MCPH1: variants seen among roughly 807,000 people sequenced by gnomAD.
The protein encoded by MCPH1 is microcephalin 1, also known as microcephalin.
A neutral mutation model predicts 84.5 loss-of-function variants in MCPH1; 104 were observed. The ratio of observed to expected loss-of-function variants is 1.23; its 90% confidence interval spans 1.05 to 1.45. MCPH1 has a LOEUF of 1.45. Among genes scored for constraint, MCPH1 ranks in the 40% most tolerant of loss-of-function variants. The probability of loss-of-function intolerance (pLI) is 0.00; values close to 1 mark genes in which losing one functional copy is unlikely to be tolerated. For missense variants in MCPH1, 1,498 were observed against 1,005.7 expected, an observed-to-expected ratio of 1.49 and a Z score of -6.62; for synonymous variants, 514 against 366.8, an observed-to-expected ratio of 1.40 and a Z score of -4.58.
rs1563307643 is a variant in MCPH1 at position 6,505,513 on chromosome 8, AATATATATTCTTT to A, written c.2214+5591_2214+5603del. 7.0e-4 allele frequency among the ~76,000 whole-genome samples: 2 copies of A among 2,844 alleles called. 1 individual carries two copies. The highest frequency in any genetic ancestry group is 1.4e-3 in the Non-Finnish European group (2 of 1,398). 1.9% of individuals were successfully genotyped at this position (2,844 alleles called of 152,430 possible). A position where few individuals can be genotyped will look rare whatever the true frequency, so the allele number is the denominator to read the frequency against. On this transcript the variant is annotated intron_variant, in intron 12 of 13. Transcript: ENST00000344683. Reference sequence around the variant, plus strand: ...ATATTCTTTATATATGTATATATAGAATATATATTCTTTATATATGTATATATAGAATATATAT... The same window carrying A: ...ATATTCTTTATATATGTATATATAGAATATATGTATATATAGAATATATAT...
chr8:6,616,733 G>C (rs1234658552), intron 12 of MCPH1: 1 of 152,246 alleles, frequency 6.6e-6, no homozygotes, highest in East Asian at 1.9e-4. Context: ...CATTAGCAGA[G>C]GAAAGCTGGA....
rs1554480975 is a variant in MCPH1 at position 6,617,900 on chromosome 8, A to ATCTATCTATCT, written c.2215-3554_2215-3553insTCTATCTATCT. ...CATCCATCTATCTATCTATCTATCT[A>ATCTATCTATCT]ATCTATCTATCTATCTATCTATCTA... On this transcript the variant is annotated intron_variant, in intron 12 of 13. Transcript: ENST00000344683. Among the ~76,000 whole-genome samples, 60 of 143,130 alleles carry ATCTATCTATCT rather than the reference A, an allele frequency of 4.2e-4. 1 individual carries two copies. The East Asian group carries it at 4.8e-3, about 11-fold the overall frequency. The allele number at this position is 143,130 out of a possible 152,430, so 93.9% of individuals were successfully genotyped here.
At chr8:6,502,885 A>G (rs375469076) in intron 12 of MCPH1, 28 of 550,240 alleles carry the variant, frequency 5.1e-5, no homozygotes, top group Middle Eastern at 4.8e-4. Context: ...TCTAATCACA[A>G]TTATGGATGT....
In MCPH1 at chr8:6,456,016, A is replaced by G. The variant is rs1477796181; in HGVS notation, c.1935+764A>G. Among the ~76,000 whole-genome samples, 3 of 152,250 alleles carry G rather than the reference A, an allele frequency of 2.0e-5. No homozygotes were observed. The East Asian group carries it at 5.8e-4, about 29-fold the overall frequency. The stretch of plus-strand genomic sequence containing the variant: ...TTGAACAGATGGGCGGCTGCATTTG[A>G]CCTGCGGAAGAGAAACCTGACTCCT... On this transcript the variant is annotated intron_variant, in intron 9 of 13. Transcript: ENST00000344683.
chr8:6,565,726 C>G (rs1009925961), intron 12 of MCPH1, among the ~76,000 whole-genome samples: 1 of 152,124 alleles, frequency 6.6e-6, no homozygotes, highest in Non-Finnish European at 1.5e-5. Flanking sequence ...GGTGTCTGAC[C>G]TAAAGAAGCT....
intron 12 of MCPH1, among the ~76,000 whole-genome samples, chr8:6,510,865 C>T (rs1278488171): frequency 6.6e-6 from 1 of 152,184 alleles, no homozygotes; most frequent in African/African-American, 2.4e-5. Context: ...ATGAACTGGA[C>T]ATGTGAGTCT....
intron 2 of MCPH1, among the ~76,000 whole-genome samples, chr8:6,414,073 G>T (rs1210990607): frequency 1.3e-5 from 2 of 151,992 alleles, no homozygotes; most frequent in Non-Finnish European, 2.9e-5. Flanking sequence ...TTAATTAGCT[G>T]AATTTTTCCA....
At chr8:6,487,750 G>C (rs919147395) in intron 11 of MCPH1, among the ~76,000 whole-genome samples, 3 of 152,176 alleles carry the variant, frequency 2.0e-5, no homozygotes, top group African/African-American at 7.2e-5. Flanking sequence ...TGATTTCAAA[G>C]TCCTTTTTAT....
intron 12 of MCPH1, among the ~76,000 whole-genome samples, chr8:6,593,140 A>G (rs1828647821): frequency 6.8e-6 from 1 of 147,770 alleles, no homozygotes; most frequent in East Asian, 2.0e-4. Context: ...CTGCAGTGCA[A>G]TGGCACAATC....
intron 12 of MCPH1, among the ~76,000 whole-genome samples, chr8:6,551,539 G>A (rs1166851112): frequency 6.6e-6 from 1 of 152,122 alleles, no homozygotes; most frequent in South Asian, 2.1e-4. Flanking sequence ...TTGAGGGGCT[G>A]GTGTTCTGAT....
chr8:6,608,195 A>T (rs1191888406), intron 12 of MCPH1, among the ~76,000 whole-genome samples: 1 of 152,194 alleles, frequency 6.6e-6, no homozygotes, highest in Non-Finnish European at 1.5e-5. Flanking sequence ...CCGGACCCTG[A>T]TGAGCTGAGC....
At chr8:6,587,720 C>T (rs1828109574) in intron 12 of MCPH1, among the ~76,000 whole-genome samples, 1 of 152,194 alleles carries the variant, frequency 6.6e-6, no homozygotes, top group Non-Finnish European at 1.5e-5. Context: ...TGCAGTATTA[C>T]TTGCAAGGGA....
intron 12 of MCPH1, among the ~76,000 whole-genome samples, chr8:6,583,845 A>ATTTT (rs1586710638): frequency 9.0e-6 from 1 of 111,260 alleles, no homozygotes; most frequent in Admixed American, 9.3e-5. Flanking sequence ...ATTGGTGTTC[A>ATTTT]TTTCTTGTTT....
At chr8:6,432,858 T>G (rs1802039967) in intron 4 of MCPH1, among the ~76,000 whole-genome samples, 1 of 152,258 alleles carries the variant, frequency 6.6e-6, no homozygotes, top group African/African-American at 2.4e-5. Context: ...AAGTGTTTAT[T>G]GTAAAAACAC....
intron 4 of MCPH1, among the ~76,000 whole-genome samples, chr8:6,433,630 C>CA (rs60661127): frequency 0.1 from 4,112 of 39,244 alleles, 369 homozygotes; most frequent in African/African-American, 0.19. Flanking sequence ...GGCTCTGTCT[C>CA]AAAAAAAAAA....
intron 12 of MCPH1, among the ~76,000 whole-genome samples, chr8:6,566,468 C>T (rs1311835332): frequency 6.6e-6 from 1 of 151,934 alleles, no homozygotes; most frequent in African/African-American, 2.4e-5. Flanking sequence ...CACTGTACGC[C>T]GTGCAGCGAC....
intron 13 of MCPH1, among the ~76,000 whole-genome samples, chr8:6,640,105 C>T (rs55714632): frequency 0.021 from 2,822 of 133,578 alleles, 51 homozygotes; most frequent in African/African-American, 0.039. Context: ...TGTGCGCGCG[C>T]GTGTGTGTGT....
chr8:6,515,170 G>T (rs1444805657), intron 12 of MCPH1, among the ~76,000 whole-genome samples: 5 of 151,820 alleles, frequency 3.3e-5, no homozygotes, highest in African/African-American at 1.2e-4. Context: ...GAAAACCATT[G>T]ACTTGTGTTC....
chr8:6,491,095 T>C (rs573291011), intron 11 of MCPH1, among the ~76,000 whole-genome samples: 1 of 151,262 alleles, frequency 6.6e-6, no homozygotes, highest in South Asian at 2.1e-4. Context: ...AGCATTGGTT[T>C]TATTAAACTT....
Sources: allele counts gnomAD v4.1 joint callset (sites outside exome capture counted in the v4.1 genomes callset), GRCh38; gene constraint gnomAD v4.1.1; transcripts MANE v1.5; gene names NCBI Gene and HGNC (gene_info 2026-07-23, HGNC 2026-07-21).